The following FSTL5 variants were observed in gnomAD, a reference collection of about 807,000 sequenced individuals.
FSTL5 encodes follistatin like 5, also known as follistatin-related protein 5.
Under a neutral mutation model 89.1 loss-of-function variants are expected in FSTL5, and 62 were observed. That is an observed-to-expected ratio of 0.70 (90% CI 0.57 to 0.86). The LOEUF (loss-of-function observed/expected upper bound fraction) is 0.86. Among genes scored for constraint, FSTL5 ranks in the 40% least tolerant of loss-of-function variants. FSTL5 has a pLI of 0.00. For synonymous variants in FSTL5, 383 were observed against 346.2 expected, an observed-to-expected ratio of 1.11 and a Z score of -1.18; for missense variants, 1,057 against 1,001.6, an observed-to-expected ratio of 1.06 and a Z score of -0.75.
At chr4:161,926,763 A>G (rs1446820633) in intron 3 of FSTL5, among the ~76,000 whole-genome samples, 1 of 151,838 alleles carries the variant, frequency 6.6e-6, no homozygotes, top group African/African-American at 2.4e-5. Context: ...AGTTCTATCT[A>G]AAGCGGTGAT....
At chr4:162,122,358 A>G (rs1731902621) in intron 1 of FSTL5, among the ~76,000 whole-genome samples, 1 of 147,582 alleles carries the variant, frequency 6.8e-6, no homozygotes, top group Admixed American at 6.7e-5. Context: ...TAACTAATCC[A>G]CTTAAATTGT....
At chr4:161,721,604 C>T (rs957738994) in intron 6 of FSTL5, among the ~76,000 whole-genome samples, 1 of 152,164 alleles carries the variant, frequency 6.6e-6, no homozygotes, top group Non-Finnish European at 1.5e-5. Context: ...CCAAACCCCA[C>T]AAGCCAGGCT....
At chr4:161,659,757 A>G (rs1736643070) in intron 6 of FSTL5, among the ~76,000 whole-genome samples, 1 of 152,170 alleles carries the variant, frequency 6.6e-6, no homozygotes, top group Admixed American at 6.5e-5. Context: ...AAAAACAAGA[A>G]TTTTGAAACA....
chr4:161,417,562 T>C (rs529073416), intron 15 of FSTL5, among the ~76,000 whole-genome samples: 1 of 152,372 alleles, frequency 6.6e-6, no homozygotes, highest in African/African-American at 2.4e-5. Flanking sequence ...AATGTCATTA[T>C]ACTTGAGGAA....
intron 7 of FSTL5, among the ~76,000 whole-genome samples, chr4:161,590,074 C>T (rs991032804): frequency 6.6e-6 from 1 of 151,962 alleles, no homozygotes. Flanking sequence ...ATACAACATA[C>T]CAAAGAAAAA....
intron 3 of FSTL5, among the ~76,000 whole-genome samples, chr4:161,979,179 T>C (rs1735745685): frequency 6.6e-6 from 1 of 152,138 alleles, no homozygotes; most frequent in African/African-American, 2.4e-5. Context: ...TCCTAGCCCA[T>C]ATTGGCTTAT....
chr4:161,851,122 C>T (rs547985127), intron 4 of FSTL5, among the ~76,000 whole-genome samples: 15 of 152,250 alleles, frequency 9.9e-5, no homozygotes, highest in South Asian at 2.1e-4. Flanking sequence ...AAAATCTGGT[C>T]TTCTCTAGTA....
intron 1 of FSTL5, among the ~76,000 whole-genome samples, chr4:162,123,353 T>G (rs929064821): frequency 1.3e-5 from 2 of 152,292 alleles, no homozygotes; most frequent in Middle Eastern, 3.4e-3. Flanking sequence ...AGTCTGAGAA[T>G]AGTCCACAGT....
intron 3 of FSTL5, among the ~76,000 whole-genome samples, chr4:161,947,566 C>G (rs1734770261): frequency 6.6e-6 from 1 of 152,036 alleles, no homozygotes; most frequent in African/African-American, 2.4e-5. Flanking sequence ...TTTTCAGATT[C>G]CTCATACTGT....
chr4:162,003,388 G>C (rs532863069), intron 3 of FSTL5, among the ~76,000 whole-genome samples: 40 of 152,184 alleles, frequency 2.6e-4, no homozygotes, highest in Non-Finnish European at 5.3e-4. Flanking sequence ...CTTTCATAAT[G>C]TATCCTAGAT....
At chr4:161,808,119 A>C (rs1198150709) in intron 4 of FSTL5, among the ~76,000 whole-genome samples, 2 of 152,222 alleles carry the variant, frequency 1.3e-5, no homozygotes, top group African/African-American at 4.8e-5. Flanking sequence ...TGTAGAAAAA[A>C]AGAAACCAAG....
chr4:161,521,851 AAAAAAAAAAAAAAG>A (rs1233362612), intron 10 of FSTL5, among the ~76,000 whole-genome samples: 1 of 129,294 alleles, frequency 7.7e-6, no homozygotes, highest in Admixed American at 8.2e-5. Context: ...TCCACCTCAA[AAAAAAAAAAAAAAG>A]AAAAAAAAAG....
chr4:161,570,990 T>C (rs545989118), intron 8 of FSTL5, among the ~76,000 whole-genome samples: 8 of 151,952 alleles, frequency 5.3e-5, no homozygotes, highest in African/African-American at 7.2e-5. Flanking sequence ...GGTGGGTGCA[T>C]GTAGTCCCAG....
chr4:161,486,639 G>A (rs1337685090), intron 12 of FSTL5, among the ~76,000 whole-genome samples: 1 of 152,166 alleles, frequency 6.6e-6, no homozygotes, highest in East Asian at 1.9e-4. Context: ...GAATTGGGAT[G>A]TTCTCTGGGC....
At chr4:161,933,570 A>G (rs1233395192) in intron 3 of FSTL5, among the ~76,000 whole-genome samples, 1 of 151,960 alleles carries the variant, frequency 6.6e-6, no homozygotes, top group Non-Finnish European at 1.5e-5. Flanking sequence ...TGAGAGAAAA[A>G]AAAGCTTCCT....
At chr4:161,721,284 C>CAAAAAAAAA (rs34307838) in intron 6 of FSTL5, among the ~76,000 whole-genome samples, 1 of 65,118 alleles carries the variant, frequency 1.5e-5, no homozygotes, top group Non-Finnish European at 2.8e-5. Flanking sequence ...GACTCCGTCT[C>CAAAAAAAAA]AAAAAAAAAA....
rs1465293237 is a variant in FSTL5 at position 161,647,944 on chromosome 4, C to G, written c.894+8384G>C. Among the ~76,000 whole-genome samples the G allele has an allele frequency of 3.3e-5, 5 of 152,214 alleles. No individual in the cohort carries two copies. In the East Asian group the frequency reaches 9.7e-4, roughly 30 times the overall value. On this transcript the variant is annotated intron_variant, in intron 7 of 15. Coordinates refer to ENST00000306100, the MANE Select transcript of FSTL5 (RefSeq NM_020116.5). ...AGAGGAACACACTGACAGGCACCAG[C>G]ACACTAGCAGCCACCGACTGGCAGA...
intron 6 of FSTL5, among the ~76,000 whole-genome samples, chr4:161,744,402 T>A (rs17041437): frequency 0.031 from 4,727 of 152,270 alleles, 130 homozygotes; most frequent in South Asian, 0.092. Flanking sequence ...TTATATTCTC[T>A]ATGACTTACT....
intron 7 of FSTL5, among the ~76,000 whole-genome samples, chr4:161,631,926 T>C: frequency 6.6e-6 from 1 of 152,216 alleles, no homozygotes; most frequent in East Asian, 1.9e-4. Flanking sequence ...TAAAGCATTT[T>C]CCTACCATTT....
Sources: allele counts gnomAD v4.1 joint callset (sites outside exome capture counted in the v4.1 genomes callset), GRCh38; gene constraint gnomAD v4.1.1; transcripts MANE v1.5; gene names NCBI Gene and HGNC (gene_info 2026-07-23, HGNC 2026-07-21).